The following MFAP3 variants were observed in gnomAD, a reference collection of about 807,000 sequenced individuals.
The protein encoded by MFAP3 is microfibril-associated glycoprotein 3.
A neutral mutation model predicts 20.5 loss-of-function variants in MFAP3; 8 were observed. The observed-to-expected ratio is 0.39, with a 90% confidence interval of 0.23 to 0.70. The LOEUF (loss-of-function observed/expected upper bound fraction) is 0.70. MFAP3 is among the 30% of genes least tolerant of loss of function. The pLI, the probability that MFAP3 is intolerant of heterozygous loss-of-function variation, is 0.44. For missense variants in MFAP3, 398 were observed against 444.6 expected (o/e 0.90, Z 0.94); for synonymous variants, 140 against 154.0 (o/e 0.91, Z 0.67).
intron 1 of MFAP3, among the ~76,000 whole-genome samples, chr5:154,048,800 T>C (rs1447325771): frequency 6.6e-6 from 1 of 152,216 alleles, no homozygotes; most frequent in East Asian, 1.9e-4. Context: ...CTCCCTTAGC[T>C]AGTTTACAGA....
intron 1 of MFAP3, among the ~76,000 whole-genome samples, chr5:154,041,287 T>G (rs1183710908): frequency 6.6e-6 from 1 of 152,182 alleles, no homozygotes; most frequent in East Asian, 1.9e-4. Context: ...AAGGAACAAC[T>G]AGTAAGGTGA....
chr5:154,053,740 C>A lies in MFAP3; in HGVS notation c.*27C>A. 1 of 1,548,252 alleles carries A rather than the reference C, an allele frequency of 6.5e-7. No individual in the cohort carries two copies. Among genetic ancestry groups the A allele is most frequent in the Non-Finnish European group, 8.7e-7 (1 of 1,145,976 alleles). ...CTACAATGCTGTAACCCAGTACCTA[C>A]AAAATCAGCTCGCTCTCAGAAAAGG... is the stretch of plus-strand genomic sequence containing the variant. On this transcript the variant is annotated 3_prime_UTR_variant, in exon 3 of 3. Coordinates refer to ENST00000522782, the MANE Select transcript of MFAP3 (RefSeq NM_005927.5).
chr5:154,047,455 A>C (rs543642840), intron 1 of MFAP3, among the ~76,000 whole-genome samples: 1 of 152,234 alleles, frequency 6.6e-6, no homozygotes, highest in East Asian at 1.9e-4. Flanking sequence ...AAGGAAGGAG[A>C]TGGCAGGTTA....
chr5:154,044,593 G>A (rs1320661389), intron 1 of MFAP3, among the ~76,000 whole-genome samples: 3 of 152,172 alleles, frequency 2.0e-5, no homozygotes, highest in Non-Finnish European at 4.4e-5. Flanking sequence ...AGTGTGCCAG[G>A]TTTCTTCTGC....
intron 2 of MFAP3, among the ~76,000 whole-genome samples, chr5:154,050,893 G>T (rs1017632880): frequency 2.0e-5 from 3 of 152,040 alleles, no homozygotes; most frequent in African/African-American, 7.2e-5. Context: ...AAGGGATGAA[G>T]CTTAAATTCT....
At chr5:154,048,057 A>AC (rs1773105122) in intron 1 of MFAP3, among the ~76,000 whole-genome samples, 1 of 152,068 alleles carries the variant, frequency 6.6e-6, no homozygotes, top group Non-Finnish European at 1.5e-5. Flanking sequence ...TCTACCCATC[A>AC]CCCCCTCTTA....
chr5:154,045,365 A>G (rs545339315), intron 1 of MFAP3, among the ~76,000 whole-genome samples: 1 of 152,356 alleles, frequency 6.6e-6, no homozygotes, highest in East Asian at 1.9e-4. Context: ...AGCTCAGTTT[A>G]CAATGCCTAT....
intron 1 of MFAP3, among the ~76,000 whole-genome samples, chr5:154,041,772 G>A (rs967387371): frequency 1.3e-5 from 2 of 152,106 alleles, no homozygotes; most frequent in African/African-American, 2.4e-5. Flanking sequence ...TGAAATTAAG[G>A]GGATAGTGTG....
rs756721101 is a variant in MFAP3, at chr5:154,053,409, A to G, written c.785A>G (p.Asp262Gly). 1.9e-6 allele frequency: 3 copies of G among 1,613,872 alleles called. No homozygotes were observed. Among genetic ancestry groups the G allele is most frequent in the African/African-American group, 1.3e-5 (1 of 74,882 alleles). The change falls in exon 3 of 3, where the codon GAC (aspartate) becomes GGC (glycine). Residue 262 changes from aspartate to glycine, a missense_variant. Asp to Gly is a moderately conservative substitution (Grantham distance 94). Transcript: ENST00000522782. ...VEEMFEAVRV[D>G]DPDDLGERIK... is the part of the protein sequence containing the mutation. The stretch of plus-strand genomic sequence containing the variant: ...GAGATGTTTGAGGCTGTGCGAGTGG[A>G]CGACCCTGATGACCTGGGTGAAAGA...
At position 154,053,550 on chromosome 5, in the gene MFAP3, GC is replaced by G; in HGVS notation, c.928del (p.Gln310ArgfsTer3). On this transcript the variant is annotated frameshift_variant, in exon 3 of 3. Transcript: ENST00000522782. LOFTEE classifies it high-confidence loss of function. ...GATGATGGCTCTCTGAATGAACAAG[GC>G]CAGGAAATAGCAGTTCAGGTTTCTG... ...DSDDGSLNEQ[G>X]QEIAVQVSVH... The G allele has an allele frequency of 6.2e-7, 1 of 1,613,874 alleles. No individual in the cohort carries two copies. Among genetic ancestry groups the G allele is most frequent in the Non-Finnish European group, 8.5e-7 (1 of 1,179,936 alleles).
rs141672008 is a variant in MFAP3, at chr5:154,042,008, A to G, written c.-167+2997A>G. On this transcript the variant is annotated intron_variant, in intron 1 of 2. Transcript: ENST00000522782. ...CAAGCCTATGGCTTCACCCAGGGGT[A>G]GGATCAGGCACCTTAACTCTAGAGC... Among the ~76,000 whole-genome samples, 421 of 152,356 alleles carry G rather than the reference A, an allele frequency of 2.8e-3. 3 individuals carry two copies. The highest frequency in any genetic ancestry group is 0.013 in the South Asian group (65 of 4,826).
chr5:154,052,828 C>A (rs931264873), intron 2 of MFAP3, 92 bp from the exon 3 acceptor site: 2 of 1,126,278 alleles, frequency 1.8e-6, no homozygotes, highest in African/African-American at 3.1e-5. Flanking sequence ...AGTTAAAGTA[C>A]TTTGATAAAG....
At chr5:154,050,887 G>A (rs1411856577) in intron 2 of MFAP3, among the ~76,000 whole-genome samples, 1 of 152,002 alleles carries the variant, frequency 6.6e-6, no homozygotes, top group East Asian at 1.9e-4. Flanking sequence ...AAGCCAAAGG[G>A]ATGAAGCTTA....
At chr5:154,050,870 C>A (rs530513650) in intron 2 of MFAP3, among the ~76,000 whole-genome samples, 1 of 152,046 alleles carries the variant, frequency 6.6e-6, no homozygotes, top group South Asian at 2.1e-4. Flanking sequence ...AAAGAAATCA[C>A]CATGAAAAGC....
chr5:154,047,562 CT>C (rs3834265), intron 1 of MFAP3, among the ~76,000 whole-genome samples: 98,907 of 151,994 alleles, frequency 0.65, 32,553 homozygotes, highest in East Asian at 0.88. Context: ...AGCTCAAAGC[CT>C]TTCAGCAGGC....
In MFAP3 at chr5:154,049,961, A is replaced by G. The variant is rs754014315; in HGVS notation, c.239A>G (p.Tyr80Cys). 1.1e-4 allele frequency: 183 copies of G among 1,613,276 alleles called. No individual in the cohort carries two copies. The highest frequency in any genetic ancestry group is 1.4e-4 in the Non-Finnish European group (166 of 1,179,436). Residue 80 changes from tyrosine (Y) to cysteine (C), a missense_variant, in exon 2 of 3, where the codon TAT becomes TGT. By Grantham distance (194) the Tyr-to-Cys change is radical (BLOSUM62 -2). Transcript: ENST00000522782. The part of the protein sequence containing the change: ...SIECLLTASH[Y>C]EDVHWHNSKG... Reference sequence around the variant, plus strand: ...GAGTGTCTTCTCACAGCCAGTCACTATGAAGATGTCCATTGGCACAATTCA... The same window carrying G: ...GAGTGTCTTCTCACAGCCAGTCACTGTGAAGATGTCCATTGGCACAATTCA...
intron 1 of MFAP3, among the ~76,000 whole-genome samples, chr5:154,045,796 C>T (rs1230329593): frequency 6.6e-6 from 1 of 152,196 alleles, no homozygotes; most frequent in African/African-American, 2.4e-5. Flanking sequence ...AACCTCTCTG[C>T]TACCCTGCTC....
chr5:154,052,957 C>A lies in MFAP3; in HGVS notation c.333C>A (p.Ile111=), dbSNP rs1254716987. Residue 111 remains isoleucine, a synonymous_variant, in exon 3 of 3, where the codon ATC becomes ATA. Coordinates refer to ENST00000522782, the MANE Select transcript of MFAP3 (RefSeq NM_005927.5). The stretch of plus-strand genomic sequence containing the variant: ...TGGTTTCTGATAACTTCCTAAACAT[C>A]ACCAATGTAGCTTTTGATGACCGTG... ...KWLVSDNFLN[I]TNVAFDDRGL... 1 of 1,613,404 alleles carries A rather than the reference C, an allele frequency of 6.2e-7. No individual in the cohort carries two copies.
Position 154,052,987 on chromosome 5 carries a change from C to G in MFAP3, c.363C>G (p.Leu121=). 2 of 1,613,820 alleles carry G rather than the reference C, an allele frequency of 1.2e-6. No individual in the cohort carries two copies. The highest frequency in any genetic ancestry group is 1.3e-5 in the African/African-American group (1 of 74,990). Residue 121 remains leucine, a synonymous_variant, in exon 3 of 3, where the codon CTC becomes CTG. Coordinates refer to ENST00000522782, the MANE Select transcript of MFAP3 (RefSeq NM_005927.5). ...ITNVAFDDRG[L]YTCFVTSPIR... ...ATGTAGCTTTTGATGACCGTGGGCT[C>G]TATACCTGTTTCGTCACCTCTCCAA...
Sources: gnomAD v4.1 joint callset for allele counts (sites outside exome capture counted in the v4.1 genomes callset) on GRCh38, gnomAD v4.1.1 for gene constraint, MANE v1.5 for transcripts, NCBI Gene and HGNC (gene_info 2026-07-23, HGNC 2026-07-21) for gene names.